The following ZMAT3 variants were observed in gnomAD, a reference collection of about 807,000 sequenced individuals.
ZMAT3 encodes the protein zinc finger matrin-type protein 3.
In ZMAT3, 17 loss-of-function variants were observed where a neutral mutation model predicts 32.3. That is an observed-to-expected ratio of 0.53 (90% CI 0.36 to 0.79). ZMAT3 has a LOEUF of 0.79. Among genes scored for constraint, ZMAT3 ranks in the 30% least tolerant of loss-of-function variants. The pLI is 0.00. For synonymous variants in ZMAT3, 120 were observed against 133.1 expected, an observed-to-expected ratio of 0.90 and a Z score of 0.68; for missense variants, 329 against 359.7, an observed-to-expected ratio of 0.91 and a Z score of 0.69.
intron 2 of ZMAT3, 36 bp downstream of exon 2, chr3:179,067,447 C>G (rs1291363020): frequency 1.9e-6 from 3 of 1,606,944 alleles, no homozygotes; most frequent in Non-Finnish European, 2.6e-6. Flanking sequence ...GAAATGTTCA[C>G]CCTACTCAAT....
At chr3:179,050,494 A>G (rs914461423) in intron 2 of ZMAT3, among the ~76,000 whole-genome samples, 5 of 152,350 alleles carry the variant, frequency 3.3e-5, no homozygotes, top group Admixed American at 6.5e-5. Flanking sequence ...AACAAAAAAA[A>G]AAGTCCAAGA....
chr3:179,032,759 T>C (rs1417829317), intron 2 of ZMAT3, among the ~76,000 whole-genome samples: 2 of 148,838 alleles, frequency 1.3e-5, no homozygotes, highest in Non-Finnish European at 3.0e-5. Context: ...GGAGCCCCTC[T>C]GCCCCGCAGC....
Position 179,042,480 on chromosome 3 carries a change from A to G in ZMAT3, c.271-11481T>C, listed in dbSNP as rs575363523. ...CAGAACCAATGACAAAAACCACATG[A>G]TTATCTCAATAGAGGCAGAAAAGGC... is the stretch of plus-strand genomic sequence containing the variant. On this transcript the variant is annotated intron_variant, in intron 2 of 5. Coordinates refer to ENST00000311417, the MANE Select transcript of ZMAT3 (RefSeq NM_022470.4). Among the ~76,000 whole-genome samples the G allele has an allele frequency of 3.4e-3, 517 of 152,354 alleles. 3 individuals are homozygous for G. The highest frequency in any genetic ancestry group is 0.012 in the African/African-American group (491 of 41,584).
chr3:179,025,019 A>G lies in ZMAT3; in HGVS notation c.868T>C (p.Ter290GlnextTer1), dbSNP rs763638864. Residue 290 changes from the stop codon to glutamine, a stop_lost, in exon 6 of 6, where the codon TAG (stop) becomes CAG (glutamine). Coordinates refer to ENST00000311417, the MANE Select transcript of ZMAT3 (RefSeq NM_022470.4). Reference protein sequence around the residue: ...RNEMENLGYV* With the variant: ...RNEMENLGYVQ ...GCTCTATCTTAATATGATAATCACT[A>G]TACATATCCCAGATTCTCCATCTCA... 4 of 1,613,858 alleles carry G rather than the reference A, an allele frequency of 2.5e-6. No individual in the cohort carries two copies. The South Asian group carries it at 3.3e-5, about 13-fold the overall frequency.
intron 2 of ZMAT3, among the ~76,000 whole-genome samples, chr3:179,033,398 T>TG (rs1214941792): frequency 6.6e-6 from 1 of 152,078 alleles, no homozygotes; most frequent in Non-Finnish European, 1.5e-5. Flanking sequence ...CAGAGACCTC[T>TG]GTTCACGTGT....
chr3:179,041,901 A>T (rs1560090351), intron 2 of ZMAT3, among the ~76,000 whole-genome samples: 1 of 152,192 alleles, frequency 6.6e-6, no homozygotes, highest in African/African-American at 2.4e-5. Context: ...GATAAAGGGG[A>T]TGTCACCACC....
At chr3:179,051,297 A>G (rs1182494369) in intron 2 of ZMAT3, among the ~76,000 whole-genome samples, 1 of 152,246 alleles carries the variant, frequency 6.6e-6, no homozygotes, top group African/African-American at 2.4e-5. Flanking sequence ...AAGTTTTAGG[A>G]TACAAAATTA....
rs139669385 is a variant in ZMAT3, at chr3:179,061,681, C to A, written c.270+5802G>T. On this transcript the variant is annotated intron_variant, in intron 2 of 5. Coordinates refer to ENST00000311417, the MANE Select transcript of ZMAT3 (RefSeq NM_022470.4). ...AAACTAAAATAGACACAATTTTGAG[C>A]AACTGGTGGCATTCAGGAAAGGGTT... Among the ~76,000 whole-genome samples the A allele has an allele frequency of 2.6e-4, 39 of 152,028 alleles. 1 individual carries two copies. The highest frequency in any genetic ancestry group is 9.2e-4 in the African/African-American group (38 of 41,468).
chr3:179,040,032 A>G (rs1210350865), intron 2 of ZMAT3, among the ~76,000 whole-genome samples: 3 of 152,212 alleles, frequency 2.0e-5, no homozygotes, highest in Non-Finnish European at 4.4e-5. Flanking sequence ...ATGGTTAGAA[A>G]AAAAGAGTAA....
At chr3:179,058,286 C>A (rs1033863923) in intron 2 of ZMAT3, among the ~76,000 whole-genome samples, 1 of 152,204 alleles carries the variant, frequency 6.6e-6, no homozygotes, top group Non-Finnish European at 1.5e-5. Context: ...GCCAGTGCTG[C>A]GACTGTGCAC....
At chr3:179,032,652 C>T (rs1325330580) in intron 2 of ZMAT3, among the ~76,000 whole-genome samples, 5 of 151,292 alleles carry the variant, frequency 3.3e-5, no homozygotes, top group South Asian at 2.1e-4. Context: ...TGCCCGGCCG[C>T]GACCCCGTCT....
Position 179,046,193 on chromosome 3 carries a change from C to T in ZMAT3, c.271-15194G>A, listed in dbSNP as rs1451945631. ...ATACAGGAGCTGAAGAGCATGACTA[C>T]AGGAACACAGTCCATGAAAAGGCAG... On this transcript the variant is annotated intron_variant, in intron 2 of 5. Coordinates refer to ENST00000311417, the MANE Select transcript of ZMAT3 (RefSeq NM_022470.4). This position sits in a 1 kb window ranked among gnomAD's most constrained non-coding sequence, Gnocchi z 4.3. 6.6e-6 allele frequency among the ~76,000 whole-genome samples: 1 copy of T among 152,140 alleles called. No individual in the cohort carries two copies. The highest frequency in any genetic ancestry group is 1.5e-5 in the Non-Finnish European group (1 of 68,030).
intron 2 of ZMAT3, among the ~76,000 whole-genome samples, chr3:179,060,191 CAT>C (rs1284268392): frequency 1.3e-5 from 2 of 151,496 alleles, no homozygotes; most frequent in African/African-American, 4.9e-5. Context: ...AAGTCAAGAA[CAT>C]GTCTCAAATT....
At chr3:179,037,980 GT>G (rs1719697664) in intron 2 of ZMAT3, among the ~76,000 whole-genome samples, 1 of 152,114 alleles carries the variant, frequency 6.6e-6, no homozygotes, top group Non-Finnish European at 1.5e-5. Flanking sequence ...AGAAAAAAGA[GT>G]TACTGACAAC....
Position 179,017,870 on chromosome 3 carries a change from G to C in ZMAT3, c.*7147C>G, listed in dbSNP as rs960580653. On this transcript the variant is annotated 3_prime_UTR_variant, in exon 6 of 6. Transcript: ENST00000311417. ...CAGCAGATATATGGAATGCTTTAAA[G>C]CAGGATCTGACATACTCCAGTAAGG... 3 of 152,154 alleles carry C rather than the reference G, an allele frequency of 2.0e-5. No individual in the cohort carries two copies. The South Asian group carries it at 6.2e-4, about 32-fold the overall frequency. The allele number at this position is 152,154 out of a possible 1,614,324, so 9.4% of individuals were successfully genotyped here. A position where few individuals can be genotyped will look rare whatever the true frequency, so the allele number is the denominator to read the frequency against.
At chr3:179,028,588 C>T (rs1431048838) in intron 3 of ZMAT3, among the ~76,000 whole-genome samples, 2 of 152,158 alleles carry the variant, frequency 1.3e-5, no homozygotes, top group Non-Finnish European at 2.9e-5. Context: ...GCTGCCTGCC[C>T]GGGAGGGTGG....
chr3:179,049,749 T>C (rs572870446), intron 2 of ZMAT3, among the ~76,000 whole-genome samples: 56 of 152,076 alleles, frequency 3.7e-4, no homozygotes, highest in Middle Eastern at 6.8e-3. Flanking sequence ...TCCCAGCACT[T>C]TGGGAGGCCA....
In ZMAT3 at chr3:179,023,708, A is replaced by ATTTTTTT. The variant is rs1460929038; in HGVS notation, c.*1308_*1309insAAAAAAA. 1 of 12,630 alleles carries ATTTTTTT rather than the reference A, an allele frequency of 7.9e-5. No individual in the cohort carries two copies. The highest frequency in any genetic ancestry group is 5.3e-4 in the African/African-American group (1 of 1,892). 0.8% of individuals were successfully genotyped at this position (12,630 alleles called of 1,614,324 possible). A position where few individuals can be genotyped will look rare whatever the true frequency, so the allele number is the denominator to read the frequency against. ...CTGGAAAATATATCTATATATATAT[A>ATTTTTTT]TATTTTTTTTTTTTTTTTTTTTTTT... is the stretch of plus-strand genomic sequence containing the variant. On this transcript the variant is annotated 3_prime_UTR_variant, in exon 6 of 6. Coordinates refer to ENST00000311417, the MANE Select transcript of ZMAT3 (RefSeq NM_022470.4).
chr3:179,048,130 A>G (rs922351003), intron 2 of ZMAT3, among the ~76,000 whole-genome samples: 6 of 152,210 alleles, frequency 3.9e-5, no homozygotes, highest in Non-Finnish European at 7.3e-5. Flanking sequence ...AATTTTTAAA[A>G]AATGAACAAA....
Sources: gnomAD v4.1 joint callset for allele counts (sites outside exome capture counted in the v4.1 genomes callset) on GRCh38, gnomAD v4.1.1 for gene constraint, Gnocchi (gnomAD v3.1) non-coding constraint, MANE v1.5 for transcripts, NCBI Gene and HGNC (gene_info 2026-07-23, HGNC 2026-07-21) for gene names.